The following ASTN1 variants were observed in gnomAD, a reference collection of about 807,000 sequenced individuals.
ASTN1 encodes the protein astrotactin 1, also known as astrotactin-1.
In ASTN1, 41 loss-of-function variants were observed where a neutral mutation model predicts 140.7. The observed-to-expected ratio is 0.29, with a 90% CI of 0.23 to 0.38. The LOEUF (loss-of-function observed/expected upper bound fraction) is 0.38, where lower values mean the gene tolerates loss of function less well. ASTN1 is among the 10% of genes least tolerant of loss of function. ASTN1 has a pLI of 1.00. For missense variants in ASTN1, 1,479 were observed against 1,678.8 expected (o/e 0.88, Z 2.08); for synonymous variants, 640 against 652.2 (o/e 0.98, Z 0.29).
At chr1:176,973,194 C>T (rs1298060690) in intron 8 of ASTN1, among the ~76,000 whole-genome samples, 1 of 152,138 alleles carries the variant, frequency 6.6e-6, no homozygotes, top group Non-Finnish European at 1.5e-5. Context: ...AATATCTAAG[C>T]ATCATCTCCT....
chr1:176,977,474 T>C (rs1241653690), intron 8 of ASTN1, among the ~76,000 whole-genome samples: 2 of 152,190 alleles, frequency 1.3e-5, no homozygotes, highest in African/African-American at 2.4e-5. Flanking sequence ...AGACAGGTGC[T>C]ATGGAGAGCA....
At chr1:177,127,423 T>C (rs896651367) in intron 1 of ASTN1, among the ~76,000 whole-genome samples, 10 of 152,332 alleles carry the variant, frequency 6.6e-5, no homozygotes, top group Non-Finnish European at 1.5e-4. Context: ...TTTTCACCCA[T>C]GTCACAATAC....
intron 14 of ASTN1, among the ~76,000 whole-genome samples, chr1:176,942,866 A>ATATATATATT (rs1385017638): frequency 0.028 from 1,952 of 69,896 alleles, 623 homozygotes; most frequent in East Asian, 0.043. Flanking sequence ...ATATATATAT[A>ATATATATATT]GATTGATGTC....
At chr1:177,125,906 C>T (rs1681620529) in intron 1 of ASTN1, among the ~76,000 whole-genome samples, 1 of 152,044 alleles carries the variant, frequency 6.6e-6, no homozygotes, top group South Asian at 2.1e-4. Flanking sequence ...AATAATAATA[C>T]TCTCTTTCAT....
chr1:177,030,025 G>A (rs1023722337), intron 4 of ASTN1, among the ~76,000 whole-genome samples: 1 of 152,218 alleles, frequency 6.6e-6, no homozygotes, highest in Non-Finnish European at 1.5e-5. Flanking sequence ...GGGAAAGTGG[G>A]TGGAATAGGA....
intron 21 of ASTN1, among the ~76,000 whole-genome samples, chr1:176,871,268 T>C (rs941545770): frequency 3.9e-5 from 6 of 152,022 alleles, no homozygotes; most frequent in Admixed American, 3.9e-4. Flanking sequence ...TTGTATTCCA[T>C]GGGAAGCAAG....
chr1:176,952,623 C>T (rs35337999), intron 11 of ASTN1, among the ~76,000 whole-genome samples: 6,742 of 152,244 alleles, frequency 0.044, 178 homozygotes, highest in African/African-American at 0.065. Context: ...TCTGCTGTTG[C>T]ATCCACATTC....
chr1:177,024,513 T>C (rs1287487950), intron 6 of ASTN1, 70 bp downstream of exon 6: 4 of 1,565,614 alleles, frequency 2.6e-6, no homozygotes, highest in African/African-American at 2.7e-5. Context: ...CTGTCTTCTC[T>C]AGCCTTTGCC....
intron 21 of ASTN1, among the ~76,000 whole-genome samples, chr1:176,875,352 C>T (rs1361661360): frequency 1.3e-5 from 2 of 152,054 alleles, no homozygotes; most frequent in African/African-American, 4.8e-5. Context: ...CCATTTAGGT[C>T]CTAATTTACC....
intron 1 of ASTN1, among the ~76,000 whole-genome samples, chr1:177,087,908 C>A (rs1571764756): frequency 6.6e-6 from 1 of 152,234 alleles, no homozygotes; most frequent in East Asian, 1.9e-4. Context: ...GGGTGGCTTG[C>A]TGACACCGGA....
intron 2 of ASTN1, among the ~76,000 whole-genome samples, chr1:177,044,573 C>T (rs541217492): frequency 3.3e-4 from 51 of 152,334 alleles, no homozygotes; most frequent in African/African-American, 1.2e-3. Flanking sequence ...AGCTCTTCCC[C>T]ACCTGCCAGG....
intron 2 of ASTN1, 108 bp downstream of exon 2, chr1:177,060,970 G>T (rs1219448212): frequency 3.0e-5 from 34 of 1,124,564 alleles, no homozygotes; most frequent in Non-Finnish European, 4.0e-5. Context: ...CATGATCAAT[G>T]ATCATTACAG....
rs185684467 is a variant in ASTN1, at chr1:177,146,108, A to C, written c.283+18286T>G. On this transcript the variant is annotated intron_variant, in intron 1 of 22. Coordinates refer to ENST00000361833, the MANE Select transcript of ASTN1 (RefSeq NM_004319.3). Reference sequence around the variant, plus strand: ...AAGCCATATATTTTATTAAAAAAAAACCTATATTTTCCAAAACGAAAAATA... The same window carrying C: ...AAGCCATATATTTTATTAAAAAAAACCCTATATTTTCCAAAACGAAAAATA... Among the ~76,000 whole-genome samples the C allele has an allele frequency of 6.8e-4, 103 of 152,286 alleles. 1 individual carries two copies. The highest frequency in any genetic ancestry group is 1.6e-3 in the African/African-American group (68 of 41,556).
At position 176,991,415 on chromosome 1, in the gene ASTN1, AAAAAAAAAAAAAAAAAAAACC is replaced by A. The variant is rs1394811888; in HGVS notation, c.1523+23355_1523+23375del. ...GCAACAAACGCTAAACTCTGTCTCAAAAAAAAAAAAAAAAAAAAACCAAAAAAAAAAAAAAAAAAAAAACCA... is the reference window on the plus strand; with the variant it reads ...GCAACAAACGCTAAACTCTGTCTCAAAAAAAAAAAAAAAAAAAAAAAACCA... On this transcript the variant is annotated intron_variant, in intron 8 of 22. Coordinates refer to ENST00000361833, the MANE Select transcript of ASTN1 (RefSeq NM_004319.3). Among the ~76,000 whole-genome samples, 48 of 11,826 alleles carry A rather than the reference AAAAAAAAAAAAAAAAAAAACC, an allele frequency of 4.1e-3. No individual in the cohort carries two copies. The East Asian group carries it at 0.081, about 20-fold the overall frequency. The allele number at this position is 11,826 out of a possible 152,430, so 7.8% of individuals were successfully genotyped here. A position where few individuals can be genotyped will look rare whatever the true frequency, so the allele number is the denominator to read the frequency against.
At chr1:177,065,294 C>T (rs1368189515) in intron 1 of ASTN1, among the ~76,000 whole-genome samples, 1 of 152,152 alleles carries the variant, frequency 6.6e-6, no homozygotes, top group Non-Finnish European at 1.5e-5. Context: ...CCTCCACAAA[C>T]CTCACATCCC....
intron 16 of ASTN1, among the ~76,000 whole-genome samples, chr1:176,933,128 T>C (rs1309805413): frequency 1.3e-5 from 2 of 152,142 alleles, no homozygotes; most frequent in African/African-American, 4.8e-5. Context: ...ACAAATCTCT[T>C]GTTTCTTCTG....
intron 1 of ASTN1, among the ~76,000 whole-genome samples, chr1:177,157,622 T>C (rs1683297119): frequency 6.6e-6 from 1 of 152,108 alleles, no homozygotes; most frequent in Non-Finnish European, 1.5e-5. Flanking sequence ...CCTAAAACTG[T>C]TCTTTAAAAA....
chr1:177,140,844 T>C (rs1682435512), intron 1 of ASTN1, among the ~76,000 whole-genome samples: 1 of 152,186 alleles, frequency 6.6e-6, no homozygotes, highest in African/African-American at 2.4e-5. Flanking sequence ...AAGGATGTAT[T>C]TTTTTCTCTC....
intron 16 of ASTN1, among the ~76,000 whole-genome samples, chr1:176,911,498 C>T (rs917564565): frequency 2.6e-5 from 4 of 151,890 alleles, no homozygotes; most frequent in African/African-American, 7.2e-5. Context: ...TTTCTTTATA[C>T]ACTATTGTAT....
Sources: allele counts gnomAD v4.1 joint callset (sites outside exome capture counted in the v4.1 genomes callset), GRCh38; gene constraint gnomAD v4.1.1; transcripts MANE v1.5; gene names NCBI Gene and HGNC (gene_info 2026-07-23, HGNC 2026-07-21).